SCHIP1: variants seen among roughly 807,000 people sequenced by gnomAD.
SCHIP1 encodes the protein schwannomin interacting protein 1, also known as schwannomin-interacting protein 1.
SCHIP1 carries 8 observed loss-of-function variants against 29.7 expected under a neutral mutation model. The ratio of observed to expected loss-of-function variants is 0.27; its 90% CI spans 0.16 to 0.49. The LOEUF (loss-of-function observed/expected upper bound fraction) is 0.49. Among genes scored for constraint, SCHIP1 ranks in the 20% least tolerant of loss-of-function variants. SCHIP1 has a pLI of 0.99. For synonymous variants in SCHIP1, 76 were observed against 94.9 expected (o/e 0.80, Z 1.16); for missense variants, 193 against 294.6 (o/e 0.66, Z 2.52).
the SCHIP1 span, among the ~76,000 whole-genome samples, chr3:159,620,787 GA>G: frequency 6.6e-6 from 1 of 152,110 alleles, no homozygotes; most frequent in Non-Finnish European, 1.5e-5. Flanking sequence ...GACCATGTCA[GA>G]AAAACTAACA....
At chr3:159,274,423 A>G in the SCHIP1 span, 75 of 911,616 alleles carry the variant, frequency 8.2e-5, no homozygotes, top group African/African-American at 1.1e-3. Flanking sequence ...AAATGTATAG[A>G]GTGGCAGCTT....
the SCHIP1 span, among the ~76,000 whole-genome samples, chr3:159,611,907 C>T: frequency 6.6e-6 from 1 of 151,896 alleles, no homozygotes; most frequent in Admixed American, 6.6e-5. Flanking sequence ...CTCCTTGACC[C>T]CCTGTGTATT....
chr3:159,617,718 C>T, the SCHIP1 span, among the ~76,000 whole-genome samples: 5 of 152,164 alleles, frequency 3.3e-5, no homozygotes, highest in Admixed American at 2.0e-4. Flanking sequence ...TACTACCCCC[C>T]CTAGGAAGAG....
the SCHIP1 span, among the ~76,000 whole-genome samples, chr3:159,603,166 C>T: frequency 2.6e-5 from 4 of 152,152 alleles, no homozygotes; most frequent in East Asian, 7.7e-4. Flanking sequence ...AAGGGTATTA[C>T]AAAAAAACAC....
At chr3:159,657,644 A>C in the SCHIP1 span, among the ~76,000 whole-genome samples, 6 of 152,202 alleles carry the variant, frequency 3.9e-5, no homozygotes, top group African/African-American at 1.4e-4. Flanking sequence ...AGGGCCCTGA[A>C]CCTTCCAGGC....
At chr3:159,318,249 C>T in the SCHIP1 span, among the ~76,000 whole-genome samples, 2 of 152,184 alleles carry the variant, frequency 1.3e-5, no homozygotes, top group African/African-American at 4.8e-5. Context: ...ACATGGCATA[C>T]AAATATTTTC....
the SCHIP1 span, among the ~76,000 whole-genome samples, chr3:159,676,177 G>C: frequency 6.6e-6 from 1 of 152,084 alleles, no homozygotes; most frequent in Non-Finnish European, 1.5e-5. Flanking sequence ...TCAGATATGG[G>C]AGGGGTACTG....
chr3:159,369,655 T>C, the SCHIP1 span, among the ~76,000 whole-genome samples: 1 of 133,894 alleles, frequency 7.5e-6, no homozygotes, highest in Non-Finnish European at 1.8e-5. Context: ...TAAATAAAAT[T>C]GAAGAAGTCA....
chr3:159,606,172 A>T, the SCHIP1 span, among the ~76,000 whole-genome samples: 1 of 152,144 alleles, frequency 6.6e-6, no homozygotes, highest in African/African-American at 2.4e-5. Flanking sequence ...CAACGTTCAG[A>T]TTTTACGGAC....
chr3:159,616,274 G>A, the SCHIP1 span, among the ~76,000 whole-genome samples: 1 of 152,044 alleles, frequency 6.6e-6, no homozygotes, highest in Non-Finnish European at 1.5e-5. Flanking sequence ...AATTTTTTTT[G>A]TATTTTTAGT....
chr3:159,327,151 T>G, the SCHIP1 span, among the ~76,000 whole-genome samples: 3 of 152,220 alleles, frequency 2.0e-5, no homozygotes, highest in African/African-American at 7.2e-5. Context: ...ACTGTTGGTT[T>G]AAAATTTCAA....
chr3:159,508,025 T>C, the SCHIP1 span, among the ~76,000 whole-genome samples: 1 of 152,228 alleles, frequency 6.6e-6, no homozygotes, highest in Non-Finnish European at 1.5e-5. Flanking sequence ...TTGATTGGAA[T>C]AATTTCAGAA....
chr3:159,309,129 AAAAT>A, the SCHIP1 span: 11 of 181,980 alleles, frequency 6.0e-5, no homozygotes, highest in African/African-American at 2.8e-4. Context: ...CTCTCTATCT[AAAAT>A]AAAAGTTAAA....
At chr3:159,560,899 T>A in the SCHIP1 span, among the ~76,000 whole-genome samples, 1 of 152,202 alleles carries the variant, frequency 6.6e-6, no homozygotes, top group Admixed American at 6.5e-5. Context: ...TGTGTGAATC[T>A]TGTAACATTC....
At chr3:159,764,316 CT>C in the SCHIP1 span, 1 of 1,205,932 alleles carries the variant, frequency 8.3e-7, no homozygotes, top group Non-Finnish European at 1.1e-6. This position sits in a 1 kb window ranked among gnomAD's most constrained non-coding sequence, Gnocchi z 6.1. Context: ...CCCAGGCCTC[CT>C]TGGGGGACGC....
intron 1 of SCHIP1, among the ~76,000 whole-genome samples, chr3:159,851,255 A>C (rs1712595592): frequency 6.6e-6 from 1 of 152,182 alleles, no homozygotes; most frequent in African/African-American, 2.4e-5. Context: ...ATGCCATTGC[A>C]CTCCAGCCTG....
At chr3:159,740,771 G>GAAAAAAAA in the SCHIP1 span, among the ~76,000 whole-genome samples, 13 of 104,884 alleles carry the variant, frequency 1.2e-4, no homozygotes, top group South Asian at 3.6e-4. Flanking sequence ...CAAAAAAAAA[G>GAAAAAAAA]AAAAAAAAAA....
chr3:159,392,484 C>G, the SCHIP1 span, among the ~76,000 whole-genome samples: 1 of 148,696 alleles, frequency 6.7e-6, no homozygotes, highest in Non-Finnish European at 1.5e-5. Context: ...ACAACAGGCC[C>G]CAGAGTGTGT....
the SCHIP1 span, among the ~76,000 whole-genome samples, chr3:159,495,353 A>G: frequency 6.6e-6 from 1 of 152,234 alleles, no homozygotes; most frequent in South Asian, 2.1e-4. Context: ...TATATCTAGA[A>G]AACCCCATTG....
Sources: gnomAD v4.1 joint callset for allele counts (sites outside exome capture counted in the v4.1 genomes callset) on GRCh38, gnomAD v4.1.1 for gene constraint, Gnocchi (gnomAD v3.1) non-coding constraint, MANE v1.5 for transcripts, NCBI Gene and HGNC (gene_info 2026-07-23, HGNC 2026-07-21) for gene names.